Variants in SS18 observed in about 807,000 individuals in gnomAD.
SS18 encodes the protein SS18 subunit of BAF chromatin remodeling complex, also known as protein SSXT.
A neutral mutation model predicts 72.5 loss-of-function variants in SS18; 28 were observed. The observed-to-expected ratio is 0.39, with a 90% CI of 0.29 to 0.53. The LOEUF (loss-of-function observed/expected upper bound fraction) is 0.53, where lower values mean the gene tolerates loss of function less well. Among genes scored for constraint, SS18 ranks in the 20% least tolerant of loss-of-function variants. SS18 has a pLI of 0.76. For synonymous variants in SS18, 172 were observed against 164.2 expected (o/e 1.05, Z -0.37); for missense variants, 518 against 535.3 (o/e 0.97, Z 0.32).
chr18:26,065,313 C>A (rs1443691410), intron 3 of SS18, among the ~76,000 whole-genome samples: 2 of 151,712 alleles, frequency 1.3e-5, no homozygotes, highest in Admixed American at 1.3e-4. Flanking sequence ...AGATTTATCA[C>A]AAGCTACAAT....
At chr18:26,045,911 A>C (rs1020341720) in intron 5 of SS18, among the ~76,000 whole-genome samples, 1 of 152,110 alleles carries the variant, frequency 6.6e-6, no homozygotes, top group African/African-American at 2.4e-5. Flanking sequence ...GGCCAGATGC[A>C]GTGGCTCACG....
In SS18 at chr18:26,051,365, T is replaced by C. The variant is rs1381742197; in HGVS notation, c.607+1259A>G. Among the ~76,000 whole-genome samples, 3 of 152,204 alleles carry C rather than the reference T, an allele frequency of 2.0e-5. No individual in the cohort carries two copies. The South Asian group carries it at 6.2e-4, about 32-fold the overall frequency. The stretch of plus-strand genomic sequence containing the variant: ...TTCTAAAAACACCTCAATACTTTTC[T>C]CCAAAAAGTCAATATGCACATTGCT... On this transcript the variant is annotated intron_variant, in intron 5 of 10. Transcript: ENST00000415083.
intron 10 of SS18, among the ~76,000 whole-genome samples, chr18:26,024,342 G>A (rs1413640394): frequency 2.0e-5 from 3 of 152,102 alleles, no homozygotes; most frequent in African/African-American, 7.2e-5. Context: ...CTTTTTTGGG[G>A]GGACAGGATA....
chr18:26,070,056 T>C (rs1391134573), intron 3 of SS18, among the ~76,000 whole-genome samples: 1 of 152,178 alleles, frequency 6.6e-6, no homozygotes, highest in African/African-American at 2.4e-5. Context: ...GGGTACAGTG[T>C]TCCTTACTGG....
At chr18:26,043,073 T>A (rs2053758097) in intron 5 of SS18, among the ~76,000 whole-genome samples, 1 of 152,120 alleles carries the variant, frequency 6.6e-6, no homozygotes, top group South Asian at 2.1e-4. Flanking sequence ...CTGTATTATT[T>A]CTCTTCCCCA....
chr18:26,088,786 C>T (rs899146672), intron 1 of SS18, among the ~76,000 whole-genome samples: 1 of 152,034 alleles, frequency 6.6e-6, no homozygotes, highest in African/African-American at 2.4e-5. Flanking sequence ...AGTATTAGCA[C>T]AATACCATAA....
intron 6 of SS18, 121 bp downstream of exon 6, chr18:26,039,168 C>CA (rs34318951): frequency 0.021 from 5,360 of 251,312 alleles, 215 homozygotes; most frequent in South Asian, 0.027. Flanking sequence ...TACCTTTTGT[C>CA]AAAAAAAAAA....
At chr18:26,081,838 G>A (rs79666114) in intron 2 of SS18, among the ~76,000 whole-genome samples, 8,605 of 151,968 alleles carry the variant, frequency 0.057, 418 homozygotes, top group East Asian at 0.15. Context: ...CAGGAGGATC[G>A]CTTAAGCCTA....
chr18:26,053,780 C>T (rs1363630974), intron 4 of SS18, among the ~76,000 whole-genome samples: 1 of 152,126 alleles, frequency 6.6e-6, no homozygotes, highest in Admixed American at 6.5e-5. Context: ...CTCAGATTCT[C>T]AAAAATCAAA....
At chr18:26,034,251 G>A (rs1293516887) in intron 9 of SS18, among the ~76,000 whole-genome samples, 2 of 152,106 alleles carry the variant, frequency 1.3e-5, no homozygotes, top group African/African-American at 2.4e-5. Flanking sequence ...TATTACCGAC[G>A]TGAAAGAGAC....
chr18:26,089,686 A>G (rs1048702855), intron 1 of SS18: 7 of 152,250 alleles, frequency 4.6e-5, no homozygotes, highest in Non-Finnish European at 1.0e-4. Context: ...GACTGGCAGT[A>G]ACACAGCAGC....
At chr18:26,070,553 C>G (rs1174663910) in intron 3 of SS18, among the ~76,000 whole-genome samples, 3 of 152,146 alleles carry the variant, frequency 2.0e-5, no homozygotes, top group Non-Finnish European at 4.4e-5. Flanking sequence ...AAGGCTGAAA[C>G]TAAGAAGTAA....
At chr18:26,083,930 C>G (rs1317022242) in intron 2 of SS18, 1 of 152,054 alleles carries the variant, frequency 6.6e-6, no homozygotes, top group African/African-American at 2.4e-5. Context: ...TGGAAACAAT[C>G]ATATAAAATG....
rs2053254536 is a variant in SS18, at chr18:26,016,477, C to G, written c.*1877G>C. The G allele has an allele frequency of 1.1e-5, 2 of 180,894 alleles. No homozygotes were observed. The highest frequency in any genetic ancestry group is 1.2e-5 in the Non-Finnish European group (1 of 84,562). The allele number at this position is 180,894 out of a possible 1,614,324, so 11.2% of individuals were successfully genotyped here. A position where few individuals can be genotyped will look rare whatever the true frequency, so the allele number is the denominator to read the frequency against. ...GTGGCTCACGCCTGTAATCCCAGCA[C>G]TTTGGAAGGCCGAGGCGGGTGGATC... is the stretch of plus-strand genomic sequence containing the variant. On this transcript the variant is annotated 3_prime_UTR_variant, in exon 11 of 11. Coordinates refer to ENST00000415083, the MANE Select transcript of SS18 (RefSeq NM_001007559.3).
chr18:26,032,587 C>T, intron 9 of SS18, 55 bp from the exon 10 acceptor site: 3 of 1,587,434 alleles, frequency 1.9e-6, no homozygotes, highest in Non-Finnish European at 2.6e-6. Flanking sequence ...CCCTAGAACT[C>T]AGGGAAGGAT....
intron 4 of SS18, 98 bp downstream of exon 4, chr18:26,057,491 G>T: frequency 7.1e-7 from 1 of 1,417,854 alleles, no homozygotes; most frequent in Non-Finnish European, 9.9e-7. Flanking sequence ...GGCATTCAAA[G>T]CAGTTTTGTC....
chr18:26,070,345 T>C (rs890977376), intron 3 of SS18, among the ~76,000 whole-genome samples: 2 of 152,224 alleles, frequency 1.3e-5, no homozygotes, highest in Non-Finnish European at 2.9e-5. Flanking sequence ...TTATAAATTT[T>C]ATGTCTATTT....
At chr18:26,024,222 A>G (rs2053405286) in intron 10 of SS18, among the ~76,000 whole-genome samples, 1 of 152,216 alleles carries the variant, frequency 6.6e-6, no homozygotes, top group Admixed American at 6.5e-5. Flanking sequence ...ATGAGTATTT[A>G]AGTATTTAAG....
intron 3 of SS18, among the ~76,000 whole-genome samples, chr18:26,074,288 A>C (rs2054368996): frequency 6.6e-6 from 1 of 151,758 alleles, no homozygotes; most frequent in Non-Finnish European, 1.5e-5. Context: ...ATACAATTTA[A>C]GATTCCACAC....
Sources: allele counts gnomAD v4.1 joint callset (sites outside exome capture counted in the v4.1 genomes callset), GRCh38; gene constraint gnomAD v4.1.1; transcripts MANE v1.5; gene names NCBI Gene and HGNC (gene_info 2026-07-23, HGNC 2026-07-21).